The following NF1 variants were observed in gnomAD, a reference collection of about 807,000 sequenced individuals.
NF1 encodes neurofibromin 1.
In NF1, 122 loss-of-function variants were observed where a neutral mutation model predicts 325.7. The ratio of observed to expected loss-of-function variants is 0.37; its 90% CI spans 0.32 to 0.44. The LOEUF is 0.44. Ranked by LOEUF, NF1 falls within the 20% of genes least tolerant of loss-of-function variation. The probability of loss-of-function intolerance (pLI) is 1.00; values close to 1 mark genes in which losing one functional copy is unlikely to be tolerated. For missense variants in NF1, 2,140 were observed against 3,415.4 expected, an observed-to-expected ratio of 0.63 and a Z score of 9.31; for synonymous variants, 1,091 against 1,186.0, an observed-to-expected ratio of 0.92 and a Z score of 1.65.
intron 31 of NF1, among the ~76,000 whole-genome samples, chr17:31,256,776 CT>C (rs1475657503): frequency 1.3e-5 from 2 of 152,082 alleles, no homozygotes; most frequent in Non-Finnish European, 2.9e-5. Flanking sequence ...ATTTAGTCAC[CT>C]TCACCAGTTT....
chr17:31,149,265 C>T (rs1455192828), intron 1 of NF1, among the ~76,000 whole-genome samples: 2 of 151,498 alleles, frequency 1.3e-5, no homozygotes, highest in African/African-American at 2.4e-5. Flanking sequence ...AATATATACA[C>T]TTATATACAT....
chr17:31,180,451 C>G (rs913228400), intron 5 of NF1, among the ~76,000 whole-genome samples: 7 of 152,170 alleles, frequency 4.6e-5, no homozygotes, highest in Non-Finnish European at 1.0e-4. Context: ...ATATGCAAAT[C>G]AATGAAAGTA....
chr17:31,224,354 TAC>T (rs1297724684), intron 16 of NF1, among the ~76,000 whole-genome samples: 1 of 152,204 alleles, frequency 6.6e-6, no homozygotes, highest in Non-Finnish European at 1.5e-5. Context: ...TTTTATCTGG[TAC>T]TAGAAGCATA....
At chr17:31,295,123 C>T in intron 36 of NF1, 1 of 1,614,142 alleles carries the variant, frequency 6.2e-7, no homozygotes, top group Non-Finnish European at 8.5e-7. Context: ...TCTCTTCCCT[C>T]CATAAGTTAA....
chr17:31,301,051 G>A (rs973228489), intron 36 of NF1, among the ~76,000 whole-genome samples: 6 of 151,948 alleles, frequency 3.9e-5, no homozygotes, highest in African/African-American at 1.4e-4. Context: ...TTAGCACTTT[G>A]TCTTGATTTA....
intron 36 of NF1, among the ~76,000 whole-genome samples, chr17:31,283,420 AAAAC>A (rs1395921585): frequency 6.7e-6 from 1 of 149,536 alleles, no homozygotes; most frequent in African/African-American, 2.5e-5. Context: ...CCATCTCAAA[AAAAC>A]AAACAAAAAA....
intron 38 of NF1, 42 bp from the exon 39 acceptor site, chr17:31,330,253 GA>G: frequency 6.3e-7 from 1 of 1,592,376 alleles, no homozygotes; most frequent in Non-Finnish European, 8.6e-7. Context: ...GAACTATAAG[GA>G]AAAATACGTT....
intron 5 of NF1, among the ~76,000 whole-genome samples, chr17:31,174,207 A>T (rs556603551): frequency 6.6e-6 from 1 of 152,394 alleles, no homozygotes; most frequent in South Asian, 2.1e-4. Context: ...AGAAGAAATT[A>T]AAATACCCAA....
At position 31,260,406 on chromosome 17, in the gene NF1, G is replaced by A. The variant is rs2151464608; in HGVS notation, c.4468G>A (p.Asp1490Asn). The A allele has an allele frequency of 6.2e-7, 1 of 1,614,008 alleles. No homozygotes were observed. Among genetic ancestry groups the A allele is most frequent in the Non-Finnish European group, 8.5e-7 (1 of 1,179,962 alleles). Residue 1490 changes from aspartate (D) to asparagine (N), a missense_variant, in exon 34 of 58, where the codon GAT (aspartate) becomes AAT (asparagine). Around this residue, in one of 10 missense-constraint regions of NF1, gnomAD observed 336 missense variants for 399.0 expected, o/e 0.84. Coordinates refer to ENST00000358273, the MANE Select transcript of NF1 (RefSeq NM_001042492.3). ...TATAGCATCTGATTGTCCTACAAGT[G>A]ATGCAGTAAATCATAGTCTTTCCTT... The part of the protein sequence containing the change: ...LDIASDCPTS[D>N]AVNHSLSFIS...
intron 1 of NF1, among the ~76,000 whole-genome samples, chr17:31,125,483 G>A (rs1310922068): frequency 6.6e-6 from 1 of 151,256 alleles, no homozygotes; most frequent in African/African-American, 2.4e-5. Context: ...ATGGGGTATG[G>A]GTTTGTTTAG....
At chr17:31,353,079 T>G (rs2070191403) in intron 51 of NF1, among the ~76,000 whole-genome samples, 1 of 152,056 alleles carries the variant, frequency 6.6e-6, no homozygotes, top group Admixed American at 6.5e-5. Context: ...TGGCTAACTT[T>G]TGTATTTTTA....
intron 5 of NF1, among the ~76,000 whole-genome samples, chr17:31,180,552 A>G (rs2066109780): frequency 6.6e-6 from 1 of 152,236 alleles, no homozygotes; most frequent in Non-Finnish European, 1.5e-5. Context: ...ACAGCCCTTC[A>G]TGCCAAAGAC....
chr17:31,117,334 A>G (rs1914017839), intron 1 of NF1, among the ~76,000 whole-genome samples: 1 of 152,094 alleles, frequency 6.6e-6, no homozygotes, highest in Non-Finnish European at 1.5e-5. Context: ...TTTGATAAAG[A>G]CAAGCATTTT....
intron 24 of NF1, 143 bp downstream of exon 24, chr17:31,231,068 A>C: frequency 1.5e-6 from 1 of 668,916 alleles, no homozygotes; most frequent in South Asian, 1.7e-5. Flanking sequence ...TAAAGATGCT[A>C]ATCTTTATTA....
At chr17:31,165,111 G>A (rs1228839951) in intron 4 of NF1, among the ~76,000 whole-genome samples, 1 of 152,174 alleles carries the variant, frequency 6.6e-6, no homozygotes, top group Non-Finnish European at 1.5e-5. Flanking sequence ...ATCAATGCAT[G>A]AACTGCCTTA....
chr17:31,210,956 T>C (rs2143940782), intron 12 of NF1, among the ~76,000 whole-genome samples: 1 of 152,346 alleles, frequency 6.6e-6, no homozygotes, highest in African/African-American at 2.4e-5. Flanking sequence ...TAACATCTCC[T>C]GCTTTCATAA....
chr17:31,303,543 CT>C (rs937817448), intron 36 of NF1, among the ~76,000 whole-genome samples: 1 of 151,442 alleles, frequency 6.6e-6, no homozygotes, highest in East Asian at 1.9e-4. Flanking sequence ...TCTTCTTTTC[CT>C]TTTTTTTGCT....
chr17:31,239,258 G>C (rs1322519881), intron 29 of NF1, among the ~76,000 whole-genome samples: 3 of 152,146 alleles, frequency 2.0e-5, no homozygotes, highest in Non-Finnish European at 4.4e-5. Flanking sequence ...AAAAGAGAAG[G>C]CTAGAGAAAA....
At chr17:31,210,535 A>G (rs906900413) in intron 12 of NF1, among the ~76,000 whole-genome samples, 1 of 152,180 alleles carries the variant, frequency 6.6e-6, no homozygotes, top group Non-Finnish European at 1.5e-5. Flanking sequence ...CAGTGAGCCA[A>G]GATTGTGTCA....
Sources: allele counts gnomAD v4.1 joint callset (sites outside exome capture counted in the v4.1 genomes callset), GRCh38; gene constraint gnomAD v4.1.1; regional missense constraint gnomAD v4.1.1; transcripts MANE v1.5; gene names NCBI Gene and HGNC (gene_info 2026-07-23, HGNC 2026-07-21).